GPR160: variants seen among roughly 807,000 people sequenced by gnomAD.
GPR160 encodes the protein probable G protein-coupled receptor 160.
In GPR160, 2 loss-of-function variants were observed where a neutral mutation model predicts 2.6. The ratio of observed to expected loss-of-function variants is 0.77; its 90% confidence interval spans 0.32 to 2.44. GPR160 has a LOEUF of 2.44. GPR160 is among the 30% of genes most tolerant of loss of function. The probability of loss-of-function intolerance (pLI) is 0.11; values close to 1 mark genes in which losing one functional copy is unlikely to be tolerated. For synonymous variants in GPR160, 130 were observed against 132.2 expected, an observed-to-expected ratio of 0.98 and a Z score of 0.12; for missense variants, 351 against 383.6, an observed-to-expected ratio of 0.91 and a Z score of 0.71.
chr3:170,085,059 T>C lies in GPR160; in HGVS notation c.*70T>C. On this transcript the variant is annotated 3_prime_UTR_variant, in exon 4 of 4. Transcript: ENST00000355897. ...TGAACAGAAAGAACTCAGGACATAT[T>C]AAAAAATAAACTGAACTAAAACAAC... 2.4e-6 allele frequency: 2 copies of C among 830,228 alleles called. No homozygotes were observed. The highest frequency in any genetic ancestry group is 3.5e-6 in the Non-Finnish European group (2 of 573,584). The allele number at this position is 830,228 out of a possible 1,614,324, so 51.4% of individuals were successfully genotyped here. A position where few individuals can be genotyped will look rare whatever the true frequency, so the allele number is the denominator to read the frequency against.
chr3:170,055,639 CT>C (rs34774096), intron 2 of GPR160, among the ~76,000 whole-genome samples: 66,746 of 148,822 alleles, frequency 0.45, 14,913 homozygotes, highest in East Asian at 0.67. Flanking sequence ...CTTTTAAAAA[CT>C]TTTTTTTTTT....
chr3:170,067,820 T>C (rs1712421552), intron 2 of GPR160, among the ~76,000 whole-genome samples: 1 of 152,240 alleles, frequency 6.6e-6, no homozygotes, highest in Non-Finnish European at 1.5e-5. Flanking sequence ...TTTTCCCCTT[T>C]GTTTTTCTCT....
At chr3:170,082,305 TA>T (rs1179290143) in intron 3 of GPR160, among the ~76,000 whole-genome samples, 1 of 152,208 alleles carries the variant, frequency 6.6e-6, no homozygotes, top group African/African-American at 2.4e-5. Flanking sequence ...TCACAAGGCT[TA>T]AAATTTAACA....
chr3:170,046,408 G>A (rs9859617), intron 2 of GPR160, among the ~76,000 whole-genome samples: 7,191 of 152,162 alleles, frequency 0.047, 524 homozygotes, highest in African/African-American at 0.16. Flanking sequence ...ATGAGAGAGC[G>A]GGCTAGTGTT....
chr3:170,071,167 C>A (rs919970482), intron 2 of GPR160, among the ~76,000 whole-genome samples: 1 of 152,132 alleles, frequency 6.6e-6, no homozygotes, highest in Non-Finnish European at 1.5e-5. Context: ...AGATATGTGT[C>A]CCCTCCAAAT....
chr3:170,083,764 TTAAG>T (rs1295858892), intron 3 of GPR160, 137 bp from the exon 4 acceptor site: 5 of 392,044 alleles, frequency 1.3e-5, no homozygotes, highest in Admixed American at 4.3e-5. Context: ...CTGTATTCTA[TTAAG>T]TATTATGTGA....
intron 2 of GPR160, among the ~76,000 whole-genome samples, chr3:170,079,112 C>G (rs747872644): frequency 4.6e-5 from 7 of 152,218 alleles, no homozygotes; most frequent in Non-Finnish European, 1.0e-4. Flanking sequence ...TGTGTTTGCT[C>G]CAGGCTTTCG....
At chr3:170,044,091 A>C (rs1716586806) in intron 2 of GPR160, among the ~76,000 whole-genome samples, 1 of 152,108 alleles carries the variant, frequency 6.6e-6, no homozygotes, top group South Asian at 2.1e-4. Flanking sequence ...TTGGGAGGCC[A>C]AGGTGCGGGG....
At chr3:170,069,868 G>T (rs78301766) in intron 2 of GPR160, among the ~76,000 whole-genome samples, 5,833 of 152,116 alleles carry the variant, frequency 0.038, 355 homozygotes, top group African/African-American at 0.13. Context: ...CAGCTCTGGG[G>T]GCTGAAAGGG....
At chr3:170,044,251 G>T (rs1174077363) in intron 2 of GPR160, among the ~76,000 whole-genome samples, 1 of 147,792 alleles carries the variant, frequency 6.8e-6, no homozygotes, top group Admixed American at 6.8e-5. Context: ...TTGAACTCAG[G>T]GGGCGGAGGT....
intron 2 of GPR160, among the ~76,000 whole-genome samples, chr3:170,072,337 T>C (rs1399807731): frequency 6.6e-5 from 10 of 152,010 alleles, no homozygotes; most frequent in Non-Finnish European, 5.9e-5. Flanking sequence ...AGCCTTCCAA[T>C]GTGCTGGGAT....
intron 2 of GPR160, among the ~76,000 whole-genome samples, chr3:170,068,645 A>G (rs116293681): frequency 0.03 from 4,521 of 152,196 alleles, 93 homozygotes; most frequent in Middle Eastern, 0.085. Context: ...TTCTGCCATC[A>G]TATTTTATTT....
chr3:170,054,862 T>C (rs970474255), intron 2 of GPR160, among the ~76,000 whole-genome samples: 21 of 151,934 alleles, frequency 1.4e-4, no homozygotes, highest in Non-Finnish European at 1.3e-4. Context: ...GGCCCGATCT[T>C]GGCTCACTGC....
At chr3:170,058,753 G>A (rs1341686877) in intron 2 of GPR160, among the ~76,000 whole-genome samples, 1 of 152,104 alleles carries the variant, frequency 6.6e-6, no homozygotes, top group Non-Finnish European at 1.5e-5. Context: ...ACAGAAGGTT[G>A]TTCATCGCTA....
At chr3:170,063,561 A>G (rs1361695426) in intron 2 of GPR160, among the ~76,000 whole-genome samples, 27 of 149,492 alleles carry the variant, frequency 1.8e-4, no homozygotes, top group Admixed American at 1.8e-3. Context: ...GCAAAAAAAA[A>G]AAAAAAAAAA....
chr3:170,058,384 G>A (rs1345426496), intron 2 of GPR160, among the ~76,000 whole-genome samples: 3 of 152,106 alleles, frequency 2.0e-5, no homozygotes, highest in African/African-American at 4.8e-5. Flanking sequence ...GTCTGCTCAC[G>A]CCCCACCGGC....
intron 2 of GPR160, among the ~76,000 whole-genome samples, chr3:170,073,852 TAA>T (rs1380608496): frequency 1.3e-5 from 2 of 151,906 alleles, no homozygotes; most frequent in Non-Finnish European, 2.9e-5. Context: ...GGGTAGGTTT[TAA>T]ATACAGAATC....
intron 2 of GPR160, among the ~76,000 whole-genome samples, chr3:170,075,618 G>T (rs1448851146): frequency 6.6e-6 from 1 of 152,108 alleles, no homozygotes; most frequent in East Asian, 1.9e-4. Context: ...TTGCCTCCCC[G>T]CCTCCCCAGC....
intron 2 of GPR160, among the ~76,000 whole-genome samples, chr3:170,042,203 T>C (rs1180848098): frequency 6.6e-6 from 1 of 151,976 alleles, no homozygotes; most frequent in Non-Finnish European, 1.5e-5. Flanking sequence ...CATTGAAATA[T>C]AAGGAAATCA....
Sources: allele counts gnomAD v4.1 joint callset (sites outside exome capture counted in the v4.1 genomes callset), GRCh38; gene constraint gnomAD v4.1.1; transcripts MANE v1.5; gene names NCBI Gene and HGNC (gene_info 2026-07-23, HGNC 2026-07-21).